DACH2: variants seen among roughly 807,000 people sequenced by gnomAD.
DACH2 encodes the protein dachshund homolog 2.
DACH2 carries 17 observed loss-of-function variants against 35.8 expected under a neutral mutation model. The ratio of observed to expected loss-of-function variants is 0.48; its 90% CI spans 0.33 to 0.71. DACH2 has a LOEUF of 0.71. DACH2 is among the 30% of genes least tolerant of loss of function. The probability of loss-of-function intolerance (pLI) is 0.02; values close to 1 mark genes in which losing one functional copy is unlikely to be tolerated. For synonymous variants in DACH2, 195 were observed against 177.3 expected, an observed-to-expected ratio of 1.10 and a Z score of -0.79; for missense variants, 469 against 472.7, an observed-to-expected ratio of 0.99 and a Z score of 0.07.
chrX:86,640,597 G>C (rs944093084), intron 3 of DACH2, among the ~76,000 whole-genome samples: 4 of 110,969 alleles, frequency 3.6e-5, no homozygotes, highest in Admixed American at 2.9e-4. Context: ...TCTGAGCTGG[G>C]GAAGGAACAT....
chrX:86,314,038 A>C (rs2034850181), intron 1 of DACH2, among the ~76,000 whole-genome samples: 1 of 110,846 alleles, frequency 9.0e-6, no homozygotes, highest in African/African-American at 3.3e-5. Flanking sequence ...AAAATGGTGA[A>C]CTTAATAAAC....
rs181034359 is a variant in DACH2 at position 86,767,641 on chromosome X, T to A, written c.1240+27759T>A. 4.5e-5 allele frequency among the ~76,000 whole-genome samples: 5 copies of A among 112,229 alleles called. No individual in the cohort carries two copies. The East Asian group carries it at 1.4e-3, about 32-fold the overall frequency. Reference sequence around the variant, plus strand: ...ATATTCTCTTTGGCAAATTTATATCTCAGCATATCTCAGTTGGTCTAGGCT... The same window carrying A: ...ATATTCTCTTTGGCAAATTTATATCACAGCATATCTCAGTTGGTCTAGGCT... On this transcript the variant is annotated intron_variant, in intron 7 of 11. Transcript: ENST00000373125.
chrX:86,631,782 T>C (rs1431113022), intron 3 of DACH2, among the ~76,000 whole-genome samples: 1 of 111,577 alleles, frequency 9.0e-6, no homozygotes, highest in Admixed American at 9.6e-5. Context: ...GAACCCAAAG[T>C]TACCAAACTT....
chrX:86,360,743 T>C lies in DACH2; in HGVS notation c.489-16081T>C, dbSNP rs768224236. Among the ~76,000 whole-genome samples the C allele has an allele frequency of 4.5e-5, 5 of 111,515 alleles. No homozygotes were observed. In the South Asian group the frequency reaches 1.5e-3, roughly 33 times the overall value. On this transcript the variant is annotated intron_variant, in intron 1 of 11. Coordinates refer to ENST00000373125, the MANE Select transcript of DACH2 (RefSeq NM_053281.3). ...AAAATTTTCGTAAAACAAAATTAAA[T>C]GGTTTCCCAGACAAACATTTTGAAC...
chrX:86,769,824 A>G (rs2041970419), intron 7 of DACH2, among the ~76,000 whole-genome samples: 1 of 109,960 alleles, frequency 9.1e-6, no homozygotes, highest in Admixed American at 9.8e-5. Flanking sequence ...CTTAAATGAT[A>G]ACAGAAGCTT....
chrX:86,735,050 TA>T (rs777243274), intron 6 of DACH2, among the ~76,000 whole-genome samples: 2 of 111,189 alleles, frequency 1.8e-5, no homozygotes, highest in African/African-American at 6.5e-5. Context: ...TCAAACTAAA[TA>T]AAAAAAGAAG....
At chrX:86,429,570 T>TTTTCTTTTCTTTTCG (rs771354613) in intron 2 of DACH2, among the ~76,000 whole-genome samples, 1 of 109,802 alleles carries the variant, frequency 9.1e-6, no homozygotes, top group African/African-American at 3.3e-5. Context: ...TTTTCTTTTC[T>TTTTCTTTTCTTTTCG]TTTTTTTCTT....
At chrX:86,367,040 G>A (rs746143813) in intron 1 of DACH2, among the ~76,000 whole-genome samples, 1 of 111,031 alleles carries the variant, frequency 9.0e-6, no homozygotes, top group African/African-American at 3.3e-5. Flanking sequence ...ATTTGAAAGA[G>A]AGAATTAGAT....
At chrX:86,169,136 C>G (rs2031042381) in intron 1 of DACH2, among the ~76,000 whole-genome samples, 1 of 111,277 alleles carries the variant, frequency 9.0e-6, no homozygotes. Flanking sequence ...GTCTTTAATT[C>G]TCCTTTGTGT....
intron 3 of DACH2, among the ~76,000 whole-genome samples, chrX:86,546,063 A>C (rs1201852352): frequency 9.3e-6 from 1 of 107,540 alleles, no homozygotes; most frequent in Non-Finnish European, 1.9e-5. Context: ...GAAGGGCTGA[A>C]GTAATGGCAA....
At chrX:86,341,223 G>A (rs769425237) in intron 1 of DACH2, among the ~76,000 whole-genome samples, 40 of 111,803 alleles carry the variant, frequency 3.6e-4, no homozygotes, top group African/African-American at 1.1e-3. Context: ...TCAAAACGTC[G>A]AAAGACAGGC....
chrX:86,232,870 G>A (rs1051802584), intron 1 of DACH2, among the ~76,000 whole-genome samples: 2 of 111,759 alleles, frequency 1.8e-5, no homozygotes, highest in African/African-American at 6.5e-5. Context: ...TAAATTATTC[G>A]ATCATAAAGA....
chrX:86,593,389 A>T (rs2039671538), intron 3 of DACH2, among the ~76,000 whole-genome samples: 2 of 89,494 alleles, frequency 2.2e-5, no homozygotes, highest in South Asian at 8.9e-4. Context: ...ATTCTTTCAT[A>T]TATATATTTT....
At chrX:86,368,224 G>C (rs1460059140) in intron 1 of DACH2, among the ~76,000 whole-genome samples, 4 of 111,901 alleles carry the variant, frequency 3.6e-5, no homozygotes, top group African/African-American at 1.3e-4. Flanking sequence ...AGTATTTACT[G>C]TATACCAGGA....
intron 2 of DACH2, among the ~76,000 whole-genome samples, chrX:86,388,991 G>A (rs1160532348): frequency 9.0e-6 from 1 of 111,188 alleles, no homozygotes; most frequent in Non-Finnish European, 1.9e-5. Context: ...ATGTGTTTCG[G>A]TGAGAAAGGG....
At chrX:86,702,723 A>G (rs2041157942) in intron 5 of DACH2, among the ~76,000 whole-genome samples, 1 of 111,583 alleles carries the variant, frequency 9.0e-6, no homozygotes, top group South Asian at 3.7e-4. Flanking sequence ...AGCTTGAATC[A>G]GGAAGAACTA....
intron 3 of DACH2, among the ~76,000 whole-genome samples, chrX:86,610,040 C>T (rs1382753290): frequency 8.9e-6 from 1 of 111,809 alleles, no homozygotes; most frequent in Non-Finnish European, 1.9e-5. Context: ...TGTGTTTTTC[C>T]CTTCAAGGCA....
intron 1 of DACH2, among the ~76,000 whole-genome samples, chrX:86,310,954 A>C (rs2034788198): frequency 9.0e-6 from 1 of 111,187 alleles, no homozygotes; most frequent in African/African-American, 3.3e-5. Flanking sequence ...GGTGGCAGGG[A>C]TGGAGGTTAT....
At chrX:86,734,329 G>A (rs1208988228) in intron 6 of DACH2, among the ~76,000 whole-genome samples, 1 of 110,320 alleles carries the variant, frequency 9.1e-6, no homozygotes, top group Non-Finnish European at 1.9e-5. Context: ...CCTCTAATTC[G>A]GGATTGAAAT....
Sources: allele counts gnomAD v4.1 joint callset (sites outside exome capture counted in the v4.1 genomes callset), GRCh38; gene constraint gnomAD v4.1.1; transcripts MANE v1.5; gene names NCBI Gene and HGNC (gene_info 2026-07-23, HGNC 2026-07-21).